SLC10A7: variants seen among roughly 807,000 people sequenced by gnomAD.
SLC10A7 encodes the protein sodium/bile acid cotransporter 7.
SLC10A7 carries 29 observed loss-of-function variants against 43.2 expected under a neutral mutation model. The observed-to-expected ratio is 0.67, with a 90% CI of 0.50 to 0.92. The LOEUF (loss-of-function observed/expected upper bound fraction) is 0.92, where lower values mean the gene tolerates loss of function less well. Among genes scored for constraint, SLC10A7 ranks in the 40% least tolerant of loss-of-function variants. The probability of loss-of-function intolerance (pLI) is 0.00; values close to 1 mark genes in which losing one functional copy is unlikely to be tolerated. For missense variants in SLC10A7, 295 were observed against 403.2 expected, an observed-to-expected ratio of 0.73 and a Z score of 2.30; for synonymous variants, 152 against 144.8, an observed-to-expected ratio of 1.05 and a Z score of -0.35.
At chr4:146,258,903 C>A (rs534130169) in intron 10 of SLC10A7, 66 bp from the exon 11 acceptor site, 2 of 1,519,852 alleles carry the variant, frequency 1.3e-6, no homozygotes, top group South Asian at 2.5e-5. Context: ...AATGCATACT[C>A]CATCAAAATC....
chr4:146,453,629 T>C (rs1219935342), intron 4 of SLC10A7, among the ~76,000 whole-genome samples: 1 of 152,006 alleles, frequency 6.6e-6, no homozygotes, highest in Non-Finnish European at 1.5e-5. Flanking sequence ...ATAACCTACA[T>C]TGTGCTGAGG....
chr4:146,325,917 T>C, intron 6 of SLC10A7, 44 bp downstream of exon 6: 5 of 1,557,462 alleles, frequency 3.2e-6, no homozygotes, highest in African/African-American at 1.4e-5. Context: ...GGGTTGTAGA[T>C]AGCTTTTAAT....
intron 5 of SLC10A7, among the ~76,000 whole-genome samples, chr4:146,345,101 C>T (rs948204342): frequency 5.3e-5 from 8 of 152,114 alleles, no homozygotes; most frequent in Non-Finnish European, 8.8e-5. Flanking sequence ...CAAGAAAGGT[C>T]GAGCATTTTG....
intron 5 of SLC10A7, among the ~76,000 whole-genome samples, chr4:146,368,120 T>C (rs1367692056): frequency 6.6e-6 from 1 of 152,180 alleles, no homozygotes; most frequent in Admixed American, 6.6e-5. Flanking sequence ...TGCATTCAGA[T>C]GTCCAGCATT....
intron 5 of SLC10A7, among the ~76,000 whole-genome samples, chr4:146,375,066 C>G (rs955279528): frequency 1.3e-5 from 2 of 151,960 alleles, no homozygotes; most frequent in Admixed American, 6.6e-5. Flanking sequence ...ATTAACCAGG[C>G]ATGGTGGTGC....
At chr4:146,516,583 AC>A (rs1462558691) in intron 2 of SLC10A7, among the ~76,000 whole-genome samples, 3 of 151,852 alleles carry the variant, frequency 2.0e-5, no homozygotes, top group African/African-American at 7.3e-5. Flanking sequence ...ATGCTAAGGA[AC>A]AATAAGCTTT....
intron 5 of SLC10A7, among the ~76,000 whole-genome samples, chr4:146,430,089 TTAGA>T (rs1324730120): frequency 6.8e-6 from 1 of 147,932 alleles, no homozygotes; most frequent in African/African-American, 2.7e-5. Context: ...CAAGGATTTC[TTAGA>T]TAGGATACAA....
chr4:146,455,311 C>T (rs1731950873), intron 4 of SLC10A7, among the ~76,000 whole-genome samples: 1 of 151,794 alleles, frequency 6.6e-6, no homozygotes, highest in South Asian at 2.1e-4. Flanking sequence ...AAGCACTTTT[C>T]TGATCAATTA....
At chr4:146,354,589 T>G (rs1019971684) in intron 5 of SLC10A7, among the ~76,000 whole-genome samples, 2 of 148,992 alleles carry the variant, frequency 1.3e-5, no homozygotes, top group African/African-American at 5.0e-5. Flanking sequence ...AAGTCAATCC[T>G]AAGCCAAAAG....
intron 10 of SLC10A7, among the ~76,000 whole-genome samples, chr4:146,273,299 C>T (rs1052179161): frequency 6.6e-6 from 1 of 152,130 alleles, no homozygotes; most frequent in African/African-American, 2.4e-5. Flanking sequence ...TGCTCCATCA[C>T]TCAGGCTGAG....
At chr4:146,305,884 T>C (rs765065202) in intron 7 of SLC10A7, 42 bp downstream of exon 7, 2 of 1,490,038 alleles carry the variant, frequency 1.3e-6, no homozygotes, top group Non-Finnish European at 1.8e-6. Context: ...ATTTCACAAT[T>C]TGATCCATAA....
chr4:146,326,993 G>C (rs891848898), intron 5 of SLC10A7, among the ~76,000 whole-genome samples: 11 of 150,288 alleles, frequency 7.3e-5, no homozygotes, highest in African/African-American at 2.7e-4. Context: ...GAGAGAGAGA[G>C]AGACAGATAG....
intron 4 of SLC10A7, among the ~76,000 whole-genome samples, chr4:146,452,734 A>C (rs902008550): frequency 5.3e-5 from 8 of 152,162 alleles, no homozygotes; most frequent in Middle Eastern, 3.4e-3. Context: ...TATCAATCAA[A>C]ATGCGGATTT....
chr4:146,279,184 T>G (rs762449857), intron 10 of SLC10A7, among the ~76,000 whole-genome samples: 14 of 152,206 alleles, frequency 9.2e-5, no homozygotes, highest in Non-Finnish European at 1.9e-4. Context: ...TCTGAGGTTA[T>G]GTGCTTTCAG....
At chr4:146,477,154 A>G (rs190145171) in intron 4 of SLC10A7, among the ~76,000 whole-genome samples, 214 of 152,346 alleles carry the variant, frequency 1.4e-3, no homozygotes, top group African/African-American at 4.6e-3. Context: ...TTGCTAACAC[A>G]TATCTCCAAT....
At position 146,521,819 on chromosome 4, in the gene SLC10A7, T is replaced by C; in HGVS notation, c.-102A>G. On this transcript the variant is annotated 5_prime_UTR_variant, in exon 1 of 12. Transcript: ENST00000335472. ...GCGTCTCCACACTTTCCTTGGTCCCTCCAGACATGCAGCAGAGCAAGTCAA... is the reference window on the plus strand; with the variant it reads ...GCGTCTCCACACTTTCCTTGGTCCCCCCAGACATGCAGCAGAGCAAGTCAA... 3.2e-6 allele frequency: 3 copies of C among 928,386 alleles called. No homozygotes were observed. The highest frequency in any genetic ancestry group is 5.1e-6 in the Non-Finnish European group (3 of 587,278). The allele number at this position is 928,386 out of a possible 1,614,324, so 57.5% of individuals were successfully genotyped here.
chr4:146,513,814 C>A (rs952246826), intron 2 of SLC10A7: 1 of 152,108 alleles, frequency 6.6e-6, no homozygotes, highest in Non-Finnish European at 1.5e-5. Flanking sequence ...CTGTAAATTC[C>A]AAAATAGTTA....
chr4:146,453,010 A>G (rs183770488), intron 4 of SLC10A7, among the ~76,000 whole-genome samples: 1 of 139,042 alleles, frequency 7.2e-6, no homozygotes, highest in Admixed American at 7.6e-5. Flanking sequence ...ATATAGATTT[A>G]TAGATATATA....
intron 9 of SLC10A7, among the ~76,000 whole-genome samples, chr4:146,286,158 G>C (rs1163411849): frequency 6.6e-6 from 1 of 152,022 alleles, no homozygotes; most frequent in East Asian, 1.9e-4. Flanking sequence ...GACTGAGTTT[G>C]GAGTGGTGAG....
Sources: gnomAD v4.1 joint callset for allele counts (sites outside exome capture counted in the v4.1 genomes callset) on GRCh38, gnomAD v4.1.1 for gene constraint, MANE v1.5 for transcripts, NCBI Gene and HGNC (gene_info 2026-07-23, HGNC 2026-07-21) for gene names.